Variants in PRR16 observed in about 807,000 individuals in gnomAD.
PRR16 encodes protein Largen.
In PRR16, 6 loss-of-function variants were observed where a neutral mutation model predicts 18.2. The observed-to-expected ratio is 0.33, with a 90% CI of 0.18 to 0.65. PRR16 has a LOEUF of 0.65. Ranked by LOEUF, PRR16 falls within the 30% of genes least tolerant of loss-of-function variation. PRR16 has a pLI of 0.74. For missense variants in PRR16, 412 were observed against 376.6 expected (o/e 1.09, Z -0.78); for synonymous variants, 151 against 147.8 (o/e 1.02, Z -0.16).
the PRR16 span, among the ~76,000 whole-genome samples, chr5:120,776,762 T>A: frequency 2.0e-5 from 3 of 152,112 alleles, no homozygotes; most frequent in African/African-American, 7.2e-5. Context: ...CTCTCTCATA[T>A]CAAAATTTGC....
chr5:120,716,412 G>C, the PRR16 span, among the ~76,000 whole-genome samples: 2 of 152,154 alleles, frequency 1.3e-5, no homozygotes, highest in African/African-American at 2.4e-5. Flanking sequence ...TCAGATATTT[G>C]TGGAGCATTA....
At chr5:120,469,444 T>A (rs539848308) in intron 1 of PRR16, among the ~76,000 whole-genome samples, 2 of 152,308 alleles carry the variant, frequency 1.3e-5, no homozygotes, top group East Asian at 3.9e-4. Flanking sequence ...CACCTCAGCC[T>A]TCTGAGTAGC....
At chr5:120,722,000 T>G in the PRR16 span, among the ~76,000 whole-genome samples, 2 of 152,064 alleles carry the variant, frequency 1.3e-5, no homozygotes, top group African/African-American at 4.8e-5. Flanking sequence ...ATGAGGTATT[T>G]CTCCTAATGC....
intron 1 of PRR16, among the ~76,000 whole-genome samples, chr5:120,495,682 G>T (rs990405857): frequency 2.6e-5 from 4 of 151,980 alleles, no homozygotes; most frequent in Non-Finnish European, 5.9e-5. Context: ...AGTGTAGAGA[G>T]ATATATATGA....
At chr5:120,543,982 G>T (rs1035387647) in intron 1 of PRR16, among the ~76,000 whole-genome samples, 17 of 152,160 alleles carry the variant, frequency 1.1e-4, no homozygotes, top group African/African-American at 4.1e-4. Flanking sequence ...TAATCATGAA[G>T]AGTTGTTATT....
intron 1 of PRR16, among the ~76,000 whole-genome samples, chr5:120,669,576 C>G (rs994976767): frequency 6.6e-6 from 1 of 152,044 alleles, no homozygotes; most frequent in East Asian, 1.9e-4. Context: ...TCCTAGAGCC[C>G]ATATATCTAA....
chr5:120,543,228 T>C (rs1341712295), intron 1 of PRR16, among the ~76,000 whole-genome samples: 1 of 152,142 alleles, frequency 6.6e-6, no homozygotes, highest in Non-Finnish European at 1.5e-5. Flanking sequence ...TTTTGTAAAA[T>C]ACGTCAAAAA....
chr5:120,782,806 G>T, the PRR16 span, among the ~76,000 whole-genome samples: 1 of 152,126 alleles, frequency 6.6e-6, no homozygotes, highest in South Asian at 2.1e-4. Flanking sequence ...TGGAACTAAT[G>T]TTAATGTATA....
intron 1 of PRR16, among the ~76,000 whole-genome samples, chr5:120,487,820 C>G (rs1348880381): frequency 6.6e-6 from 1 of 152,128 alleles, no homozygotes; most frequent in East Asian, 1.9e-4. Flanking sequence ...GAGATACGTC[C>G]CAACAGTACC....
intron 1 of PRR16, among the ~76,000 whole-genome samples, chr5:120,519,510 G>A (rs1306917080): frequency 6.6e-6 from 1 of 152,032 alleles, no homozygotes; most frequent in Non-Finnish European, 1.5e-5. Flanking sequence ...TCTATCATGA[G>A]CATTCTACTT....
chr5:120,471,141 T>C (rs564744338), intron 1 of PRR16, among the ~76,000 whole-genome samples: 1 of 152,258 alleles, frequency 6.6e-6, no homozygotes, highest in Admixed American at 6.5e-5. Context: ...TTTTTGTAGG[T>C]TGCAGAAAAC....
chr5:120,755,274 G>T, the PRR16 span, among the ~76,000 whole-genome samples: 3 of 151,880 alleles, frequency 2.0e-5, no homozygotes, highest in Non-Finnish European at 4.4e-5. Context: ...TGCATGTTTG[G>T]CCTCTTATGT....
intron 1 of PRR16, among the ~76,000 whole-genome samples, chr5:120,513,508 C>G (rs1750893692): frequency 6.6e-6 from 1 of 152,134 alleles, no homozygotes; most frequent in Non-Finnish European, 1.5e-5. Context: ...ACTCTCAAGA[C>G]TCATGGCCTT....
At chr5:120,794,258 A>C in the PRR16 span, among the ~76,000 whole-genome samples, 1 of 152,118 alleles carries the variant, frequency 6.6e-6, no homozygotes, top group African/African-American at 2.4e-5. Context: ...AATGAATACA[A>C]TCATGACTCA....
At chr5:120,651,004 T>C (rs1299063577) in intron 1 of PRR16, among the ~76,000 whole-genome samples, 1 of 152,204 alleles carries the variant, frequency 6.6e-6, no homozygotes, top group East Asian at 1.9e-4. Context: ...TTCCTGACTT[T>C]TGAATGATCG....
chr5:120,676,547 T>TGTGTGC (rs1470741269), intron 1 of PRR16, among the ~76,000 whole-genome samples: 3 of 150,148 alleles, frequency 2.0e-5, no homozygotes, highest in East Asian at 1.9e-4. Flanking sequence ...TGTGTGTGTG[T>TGTGTGC]GCGTGTGTAT....
the PRR16 span, among the ~76,000 whole-genome samples, chr5:120,754,264 A>ATAATTAGATAT: frequency 3.0e-4 from 9 of 30,300 alleles, no homozygotes; most frequent in African/African-American, 9.3e-4. Context: ...ATAAAAATAT[A>ATAATTAGATAT]AATATAAAAT....
At chr5:120,468,549 G>A (rs982559668) in intron 1 of PRR16, among the ~76,000 whole-genome samples, 1 of 152,154 alleles carries the variant, frequency 6.6e-6, no homozygotes, top group African/African-American at 2.4e-5. Flanking sequence ...GTAGGTGTGA[G>A]TGATACTTTT....
downstream of PRR16, among the ~76,000 whole-genome samples, chr5:120,690,660 GT>G (rs1368836994): frequency 4.6e-5 from 7 of 152,278 alleles, no homozygotes; most frequent in African/African-American, 1.7e-4. Flanking sequence ...ACTGTGACAA[GT>G]TTAAATGTTT....
Sources: allele counts gnomAD v4.1 joint callset (sites outside exome capture counted in the v4.1 genomes callset), GRCh38; gene constraint gnomAD v4.1.1; transcripts MANE v1.5; gene names NCBI Gene and HGNC (gene_info 2026-07-23, HGNC 2026-07-21).